Variants in TM9SF3 observed in about 807,000 individuals in gnomAD.
TM9SF3 encodes the protein SM-11044-binding protein.
A neutral mutation model predicts 78.6 loss-of-function variants in TM9SF3; 14 were observed. The ratio of observed to expected loss-of-function variants is 0.18; its 90% CI spans 0.12 to 0.28. TM9SF3 has a LOEUF of 0.28. TM9SF3 is among the 10% of genes least tolerant of loss of function. The probability of loss-of-function intolerance (pLI) is 1.00; values close to 1 mark genes in which losing one functional copy is unlikely to be tolerated. For synonymous variants in TM9SF3, 231 were observed against 241.7 expected (o/e 0.96, Z 0.41); for missense variants, 496 against 721.9 (o/e 0.69, Z 3.59).
At chr10:96,558,960 T>C (rs1848269907) in intron 5 of TM9SF3, among the ~76,000 whole-genome samples, 1 of 152,216 alleles carries the variant, frequency 6.6e-6, no homozygotes, top group East Asian at 1.9e-4. Flanking sequence ...CAAAGTGTGA[T>C]TTTTGCTATA....
At chr10:96,559,604 T>C (rs1848277947) in intron 5 of TM9SF3, 55 bp downstream of exon 5, 33 of 1,273,690 alleles carry the variant, frequency 2.6e-5, no homozygotes, top group Admixed American at 6.5e-5. Context: ...TACTCAATGT[T>C]TGTTGAACGA....
chr10:96,540,283 G>A (rs1444652931), intron 9 of TM9SF3, among the ~76,000 whole-genome samples: 1 of 152,070 alleles, frequency 6.6e-6, no homozygotes, highest in Non-Finnish European at 1.5e-5. Flanking sequence ...TACATACTAT[G>A]GCTAATACTT....
chr10:96,528,473 A>T (rs1847862322), intron 11 of TM9SF3, among the ~76,000 whole-genome samples: 1 of 152,154 alleles, frequency 6.6e-6, no homozygotes, highest in Non-Finnish European at 1.5e-5. Context: ...AACAAATGAA[A>T]ATAGCTAAAA....
rs553012631 is a variant in TM9SF3, at chr10:96,580,852, C to T, written c.103-4023G>A. Among the ~76,000 whole-genome samples, 8 of 152,116 alleles carry T rather than the reference C, an allele frequency of 5.3e-5. No homozygotes were observed. In the East Asian group the frequency reaches 1.5e-3, roughly 29 times the overall value. On this transcript the variant is annotated intron_variant, in intron 1 of 14. Transcript: ENST00000371142. ...TCTATAAAATAGGTCCTATTACTTC[C>T]CCATTTTACAGACTAAAAACAAAAA...
chr10:96,546,851 T>C lies in TM9SF3; in HGVS notation c.1054+1044A>G, dbSNP rs996574590. Among the ~76,000 whole-genome samples, 12 of 152,216 alleles carry C rather than the reference T, an allele frequency of 7.9e-5. No homozygotes were observed. The East Asian group carries it at 2.3e-3, about 29-fold the overall frequency. On this transcript the variant is annotated intron_variant, in intron 8 of 14. Coordinates refer to ENST00000371142, the MANE Select transcript of TM9SF3 (RefSeq NM_020123.4). ...CCCCTAATGCTGACACTGCTTAAGA[T>C]GGGCTGTGGAAAATCACAACTCCAT...
intron 9 of TM9SF3, among the ~76,000 whole-genome samples, chr10:96,538,817 A>C (rs1458599670): frequency 6.6e-6 from 1 of 152,200 alleles, no homozygotes; most frequent in Non-Finnish European, 1.5e-5. Flanking sequence ...ACCGAAAGAC[A>C]GCACTATATA....
In TM9SF3 at chr10:96,522,045, A is replaced by C; in HGVS notation, c.*218T>G. 1 of 538,892 alleles carries C rather than the reference A, an allele frequency of 1.9e-6. No individual in the cohort carries two copies. The highest frequency in any genetic ancestry group is 3.2e-6 in the Non-Finnish European group (1 of 309,286). The allele number at this position is 538,892 out of a possible 1,614,324, so 33.4% of individuals were successfully genotyped here. A position where few individuals can be genotyped will look rare whatever the true frequency, so the allele number is the denominator to read the frequency against. On this transcript the variant is annotated 3_prime_UTR_variant, in exon 15 of 15. Transcript: ENST00000371142. ...TACTGTAGTAATGCCTACTGCATAA[A>C]ATCCAAGCATTTGCTGTGAACAGTT...
chr10:96,553,871 T>C (rs1848204063), intron 5 of TM9SF3, among the ~76,000 whole-genome samples: 1 of 152,232 alleles, frequency 6.6e-6, no homozygotes, highest in Non-Finnish European at 1.5e-5. Flanking sequence ...TCTGTGGCAC[T>C]GCCCAGTTAT....
intron 2 of TM9SF3, among the ~76,000 whole-genome samples, chr10:96,566,210 T>A (rs1848368061): frequency 6.6e-6 from 1 of 152,148 alleles, no homozygotes. Flanking sequence ...AATTAAGAAA[T>A]CATTCTGAAC....
chr10:96,527,565 G>T, intron 12 of TM9SF3, 69 bp from the exon 13 acceptor site: 1 of 1,272,440 alleles, frequency 7.9e-7, no homozygotes, highest in Non-Finnish European at 1.1e-6. Flanking sequence ...AGATTTTAAA[G>T]CAAAGAATTT....
chr10:96,545,837 T>C (rs532964806), intron 8 of TM9SF3, among the ~76,000 whole-genome samples: 1 of 152,302 alleles, frequency 6.6e-6, no homozygotes, highest in African/African-American at 2.4e-5. Context: ...TGCAGTAAGC[T>C]GAGATCGTGC....
rs751847062 is a variant in TM9SF3, at chr10:96,552,918, G to A, written c.792+10C>T. ...ATGTTTCTACAAATATAATGTAAAT[G>A]TTTACTCACCATATCATCCATTTCT... On this transcript the variant is annotated intron_variant, in intron 6 of 14. Transcript: ENST00000371142. The A allele has an allele frequency of 2.6e-6, 4 of 1,519,294 alleles. No homozygotes were observed. Among genetic ancestry groups the A allele is most frequent in the Non-Finnish European group, 3.5e-6 (4 of 1,140,474 alleles). 94.1% of individuals were successfully genotyped at this position (1,519,294 alleles called of 1,614,324 possible).
chr10:96,584,824 T>C (rs899529075), intron 1 of TM9SF3, among the ~76,000 whole-genome samples: 3 of 152,096 alleles, frequency 2.0e-5, no homozygotes, highest in African/African-American at 4.8e-5. Context: ...AATAAATAAA[T>C]AAATAATAGG....
chr10:96,581,063 C>CT (rs1205450787), intron 1 of TM9SF3, among the ~76,000 whole-genome samples: 1 of 152,170 alleles, frequency 6.6e-6, no homozygotes, highest in Admixed American at 6.5e-5. Flanking sequence ...CACTGAATAA[C>CT]TTTTCTATGT....
At chr10:96,575,729 CAAAAA>C (rs76895654) in intron 2 of TM9SF3, among the ~76,000 whole-genome samples, 1 of 126,594 alleles carries the variant, frequency 7.9e-6, no homozygotes, top group Admixed American at 7.9e-5. Context: ...AATACAGTAC[CAAAAA>C]AAAAAAAAAG....
chr10:96,538,445 T>A (rs1847984461), intron 9 of TM9SF3, among the ~76,000 whole-genome samples: 1 of 152,016 alleles, frequency 6.6e-6, no homozygotes, highest in South Asian at 2.1e-4. Flanking sequence ...AGACAACATA[T>A]AAGGAAAGCT....
At chr10:96,565,550 C>A (rs1041422630) in intron 2 of TM9SF3, 124 bp from the exon 3 acceptor site, 2 of 1,095,866 alleles carry the variant, frequency 1.8e-6, no homozygotes, top group African/African-American at 3.3e-5. Context: ...ATAGCTGAAT[C>A]TGAGTGATAA....
intron 8 of TM9SF3, among the ~76,000 whole-genome samples, chr10:96,545,549 T>C (rs1217226513): frequency 6.6e-6 from 1 of 152,190 alleles, no homozygotes; most frequent in Non-Finnish European, 1.5e-5. Context: ...TTTCTAGCAT[T>C]TTCTTTTCCT....
At chr10:96,536,568 CTG>C (rs1231803054) in intron 9 of TM9SF3, among the ~76,000 whole-genome samples, 2 of 152,046 alleles carry the variant, frequency 1.3e-5, no homozygotes, top group Non-Finnish European at 2.9e-5. Flanking sequence ...TCCTAAAAAA[CTG>C]TTTTCCTACA....
Sources: gnomAD v4.1 joint callset for allele counts (sites outside exome capture counted in the v4.1 genomes callset) on GRCh38, gnomAD v4.1.1 for gene constraint, MANE v1.5 for transcripts, NCBI Gene and HGNC (gene_info 2026-07-23, HGNC 2026-07-21) for gene names.